Variants in MICU1 observed in about 807,000 individuals in gnomAD.
MICU1 encodes the protein calcium uptake protein 1, mitochondrial.
MICU1 carries 45 observed loss-of-function variants against 56.8 expected under a neutral mutation model. That is an observed-to-expected ratio of 0.79 (90% CI 0.62 to 1.02). The LOEUF (loss-of-function observed/expected upper bound fraction) is 1.02. Among genes scored for constraint, MICU1 ranks in the 50% least tolerant of loss-of-function variants. The pLI, the probability that MICU1 is intolerant of heterozygous loss-of-function variation, is 0.00. For synonymous variants in MICU1, 186 were observed against 195.1 expected (o/e 0.95, Z 0.39); for missense variants, 504 against 587.1 (o/e 0.86, Z 1.46).
At chr10:72,422,534 C>G (rs1363930449) in intron 9 of MICU1, among the ~76,000 whole-genome samples, 1 of 152,114 alleles carries the variant, frequency 6.6e-6, no homozygotes, top group Non-Finnish European at 1.5e-5. Flanking sequence ...TGCCTTCCAA[C>G]TAGACTACTC....
chr10:72,478,591 T>C (rs796844301), intron 6 of MICU1, among the ~76,000 whole-genome samples: 1 of 152,172 alleles, frequency 6.6e-6, no homozygotes, highest in Non-Finnish European at 1.5e-5. Flanking sequence ...AAAAGTAAAA[T>C]GAACTTTGTA....
At chr10:72,583,281 C>T (rs1452089880) in intron 1 of MICU1, among the ~76,000 whole-genome samples, 3 of 100,874 alleles carry the variant, frequency 3.0e-5, no homozygotes, top group African/African-American at 1.4e-4. Context: ...TGGCTGAATG[C>T]ATTTTTTTTT....
At chr10:72,436,917 T>C (rs932717463) in intron 8 of MICU1, among the ~76,000 whole-genome samples, 8 of 152,128 alleles carry the variant, frequency 5.3e-5, no homozygotes, top group African/African-American at 1.9e-4. Context: ...AAATCTACGT[T>C]TGTCTGGTGT....
chr10:72,409,243 G>A (rs138820868), intron 9 of MICU1, among the ~76,000 whole-genome samples: 34 of 152,298 alleles, frequency 2.2e-4, no homozygotes, highest in Middle Eastern at 3.4e-3. Flanking sequence ...ACTTAGTGCT[G>A]CTCCTCCTGC....
rs532495374 is a variant in MICU1, at chr10:72,495,502, A to G, written c.652+12653T>C. ...GAAACCTGCTCTCTACTAAAAGTACAAAAATTAGCTGAGCGTGGTGGCGGG... is the reference window on the plus strand; with the variant it reads ...GAAACCTGCTCTCTACTAAAAGTACGAAAATTAGCTGAGCGTGGTGGCGGG... On this transcript the variant is annotated intron_variant, in intron 6 of 11. Transcript: ENST00000361114. Among the ~76,000 whole-genome samples, 185 of 152,242 alleles carry G rather than the reference A, an allele frequency of 1.2e-3. 1 individual carries two copies. The highest frequency in any genetic ancestry group is 4.0e-3 in the African/African-American group (166 of 41,558).
chr10:72,474,334 TA>T, intron 8 of MICU1, among the ~76,000 whole-genome samples: 1 of 149,374 alleles, frequency 6.7e-6, no homozygotes, highest in African/African-American at 2.5e-5. Flanking sequence ...AGAGAATTTT[TA>T]AAAATGTCAA....
chr10:72,562,621 A>T (rs1356525428), intron 3 of MICU1: 3 of 266,796 alleles, frequency 1.1e-5, no homozygotes, highest in Non-Finnish European at 2.1e-5. Context: ...AGCATCAGGA[A>T]GATCCAGAAA....
intron 1 of MICU1, among the ~76,000 whole-genome samples, chr10:72,616,724 TTCC>T (rs1841992367): frequency 6.6e-6 from 1 of 152,156 alleles, no homozygotes; most frequent in Non-Finnish European, 1.5e-5. Flanking sequence ...AGTGATTATC[TTCC>T]TAGCCTCAGA....
chr10:72,410,229 T>C lies in MICU1; in HGVS notation c.1072-2192A>G, dbSNP rs79884905. On this transcript the variant is annotated intron_variant, in intron 9 of 11. Coordinates refer to ENST00000361114, the MANE Select transcript of MICU1 (RefSeq NM_001195518.2). ...TATAAAGTATTTCATTGTGTGAATA[T>C]ACCACAATTTGTTTATCCATTCTAT... is the stretch of plus-strand genomic sequence containing the variant. Among the ~76,000 whole-genome samples the C allele has an allele frequency of 1.6e-4, 25 of 152,344 alleles. No individual in the cohort carries two copies. The East Asian group carries it at 4.8e-3, about 29-fold the overall frequency.
At chr10:72,421,146 GT>G (rs1486635313) in intron 9 of MICU1, among the ~76,000 whole-genome samples, 1 of 151,684 alleles carries the variant, frequency 6.6e-6, no homozygotes, top group East Asian at 1.9e-4. Flanking sequence ...TTACAGGTAT[GT>G]GCCACCATGC....
intron 5 of MICU1, among the ~76,000 whole-genome samples, chr10:72,509,839 G>A (rs183578003): frequency 3.3e-5 from 5 of 152,150 alleles, no homozygotes; most frequent in Admixed American, 3.3e-4. Flanking sequence ...ATGAGAACTA[G>A]AACAGCAAAG....
At chr10:72,501,191 C>T (rs545660334) in intron 6 of MICU1, among the ~76,000 whole-genome samples, 2 of 151,902 alleles carry the variant, frequency 1.3e-5, no homozygotes, top group Non-Finnish European at 2.9e-5. Context: ...GTTAATCCAT[C>T]AAAGCTGATT....
intron 1 of MICU1, among the ~76,000 whole-genome samples, chr10:72,600,766 A>T (rs1841509740): frequency 6.6e-6 from 1 of 152,206 alleles, no homozygotes; most frequent in Non-Finnish European, 1.5e-5. Context: ...AAAAGCATTA[A>T]ATTTGTGAGT....
chr10:72,551,104 T>C, intron 4 of MICU1, 75 bp downstream of exon 4: 2 of 1,373,126 alleles, frequency 1.5e-6, no homozygotes, highest in Non-Finnish European at 2.0e-6. Context: ...AAGATTTCAG[T>C]ACTATGTAGA....
chr10:72,431,431 C>CT (rs1398178077), intron 8 of MICU1, among the ~76,000 whole-genome samples: 1 of 152,118 alleles, frequency 6.6e-6, no homozygotes, highest in Admixed American at 6.6e-5. Context: ...TGCCCAGCTT[C>CT]TACCACTATT....
rs373598145 is a variant in MICU1, at chr10:72,455,814, GA to G, written c.933+19285del. Reference sequence around the variant, plus strand: ...AATAGGGACTAAACCTCTATATCCTGAAAAAAAAAAAGCAATCCTAGGAGCC... The same window carrying G: ...AATAGGGACTAAACCTCTATATCCTGAAAAAAAAAAGCAATCCTAGGAGCC... On this transcript the variant is annotated intron_variant, in intron 8 of 11. Coordinates refer to ENST00000361114, the MANE Select transcript of MICU1 (RefSeq NM_001195518.2). Among the ~76,000 whole-genome samples the G allele has an allele frequency of 2.5e-3, 363 of 143,426 alleles. 3 individuals carry two copies. The highest frequency in any genetic ancestry group is 4.6e-3 in the Admixed American group (66 of 14,308). The allele number at this position is 143,426 out of a possible 152,430, so 94.1% of individuals were successfully genotyped here.
intron 11 of MICU1, among the ~76,000 whole-genome samples, chr10:72,372,441 GA>G (rs1862376597): frequency 1.3e-5 from 2 of 152,082 alleles, no homozygotes; most frequent in Non-Finnish European, 2.9e-5. Flanking sequence ...GGCCAGCCTA[GA>G]AAACATAGTG....
intron 9 of MICU1, among the ~76,000 whole-genome samples, chr10:72,415,554 C>T (rs1430773117): frequency 1.3e-5 from 2 of 152,162 alleles, no homozygotes; most frequent in Non-Finnish European, 2.9e-5. Context: ...TACATTTCCA[C>T]AGGTATCTAA....
At chr10:72,550,778 A>G (rs948583441) in intron 4 of MICU1, among the ~76,000 whole-genome samples, 4 of 152,222 alleles carry the variant, frequency 2.6e-5, no homozygotes, top group Non-Finnish European at 5.9e-5. Flanking sequence ...TTCAACTGAA[A>G]GCATTTTCTA....
Sources: gnomAD v4.1 joint callset for allele counts (sites outside exome capture counted in the v4.1 genomes callset) on GRCh38, gnomAD v4.1.1 for gene constraint, MANE v1.5 for transcripts, NCBI Gene and HGNC (gene_info 2026-07-23, HGNC 2026-07-21) for gene names.